Variants in ZFHX3 observed in about 807,000 individuals in gnomAD.
ZFHX3 encodes the protein zinc finger homeobox 3, also known as zinc finger homeobox protein 3.
In ZFHX3, 42 loss-of-function variants were observed where a neutral mutation model predicts 279.1. That is an observed-to-expected ratio of 0.15 (90% CI 0.12 to 0.19). ZFHX3 has a LOEUF of 0.19. Among genes scored for constraint, ZFHX3 ranks in the 10% least tolerant of loss-of-function variants. The pLI, the probability that ZFHX3 is intolerant of heterozygous loss-of-function variation, is 1.00. For missense variants in ZFHX3, 4,981 were observed against 4,754.0 expected (o/e 1.05, Z -1.40); for synonymous variants, 2,293 against 1,957.8 (o/e 1.17, Z -4.52).
intron 3 of ZFHX3, among the ~76,000 whole-genome samples, chr16:73,376,898 T>G (rs1277725367): frequency 6.6e-6 from 1 of 152,154 alleles, no homozygotes; most frequent in Non-Finnish European, 1.5e-5. Context: ...ACCTTCTAAT[T>G]ATTGCCCTTT....
intron 3 of ZFHX3, among the ~76,000 whole-genome samples, chr16:73,442,401 C>T (rs767611342): frequency 1.2e-4 from 18 of 151,802 alleles, no homozygotes; most frequent in Non-Finnish European, 1.3e-4. Context: ...CTCTACTGCC[C>T]AGGCTGGAGT....
intron 3 of ZFHX3, among the ~76,000 whole-genome samples, chr16:73,396,786 T>A (rs991428972): frequency 6.6e-6 from 1 of 152,156 alleles, no homozygotes; most frequent in African/African-American, 2.4e-5. Flanking sequence ...CAATTAAAGA[T>A]GAGAGTTGGG....
At chr16:72,929,105 G>C (rs889547836) in intron 3 of ZFHX3, among the ~76,000 whole-genome samples, 9 of 152,014 alleles carry the variant, frequency 5.9e-5, no homozygotes, top group Admixed American at 2.0e-4. Flanking sequence ...GGGTGTGGTG[G>C]CACACACCTG....
intron 8 of ZFHX3, among the ~76,000 whole-genome samples, chr16:73,083,090 C>G (rs1341849776): frequency 6.6e-6 from 1 of 151,504 alleles, no homozygotes; most frequent in African/African-American, 2.4e-5. Context: ...GTAATCCCAG[C>G]TACTTGGGAG....
At chr16:73,467,437 A>G (rs1229051594) in intron 2 of ZFHX3, among the ~76,000 whole-genome samples, 2 of 152,212 alleles carry the variant, frequency 1.3e-5, no homozygotes, top group Non-Finnish European at 2.9e-5. Context: ...TTGAACAGAA[A>G]CAAAGAAGAA....
At chr16:73,679,596 T>C (rs1221270220) in intron 2 of ZFHX3, 1 of 152,176 alleles carries the variant, frequency 6.6e-6, no homozygotes, top group African/African-American at 2.4e-5. Context: ...ATTTGCCATA[T>C]CGTCTTCTAC....
chr16:72,813,910 G>A (rs1369306813), intron 5 of ZFHX3, among the ~76,000 whole-genome samples: 3 of 152,140 alleles, frequency 2.0e-5, no homozygotes, highest in Non-Finnish European at 2.9e-5. Flanking sequence ...GTGATGGGCC[G>A]CTCCTGAACA....
intron 6 of ZFHX3, among the ~76,000 whole-genome samples, chr16:73,137,816 C>A (rs184864398): frequency 3.3e-5 from 5 of 151,824 alleles, no homozygotes; most frequent in African/African-American, 9.7e-5. Context: ...CAAACAGCAG[C>A]TTTGTTATAA....
chr16:73,559,362 A>G (rs541696548), intron 2 of ZFHX3, among the ~76,000 whole-genome samples: 43 of 152,140 alleles, frequency 2.8e-4, no homozygotes, highest in African/African-American at 9.2e-4. Context: ...AGCAATTTCC[A>G]AGTACAAGTC....
intron 4 of ZFHX3, among the ~76,000 whole-genome samples, chr16:72,878,762 C>T (rs550034998): frequency 2.0e-4 from 30 of 152,280 alleles, no homozygotes; most frequent in Non-Finnish European, 3.7e-4. Context: ...GAGCACAGCC[C>T]TGGGCCCTGG....
At chr16:73,867,271 T>A (rs139968673) in intron 1 of ZFHX3, among the ~76,000 whole-genome samples, 176 of 152,208 alleles carry the variant, frequency 1.2e-3, no homozygotes, top group Middle Eastern at 3.4e-3. Flanking sequence ...CACTTCGACA[T>A]TTTCATGAGC....
At chr16:73,865,363 G>A (rs935729711) in intron 1 of ZFHX3, among the ~76,000 whole-genome samples, 7 of 152,156 alleles carry the variant, frequency 4.6e-5, no homozygotes, top group African/African-American at 1.7e-4. Context: ...AGTAACATCA[G>A]AGAAACTGGA....
intron 2 of ZFHX3, among the ~76,000 whole-genome samples, chr16:73,621,368 T>G (rs1042506071): frequency 6.6e-6 from 1 of 152,164 alleles, no homozygotes; most frequent in Admixed American, 6.5e-5. Flanking sequence ...TCACCTTAAA[T>G]GAAAGTAGAA....
chr16:73,344,565 G>T lies in ZFHX3; in HGVS notation c.-1290-26229C>A, dbSNP rs145073687. ...GTTCAATTTTCTGATTTAGATAATT[G>T]TACTGTGATTAGGTAAAACAATGTT... On this transcript the variant is annotated intron_variant, in intron 3 of 17. Coordinates refer to the ZFHX3 transcript ENST00000641206. 2.0e-5 allele frequency among the ~76,000 whole-genome samples: 3 copies of T among 152,306 alleles called. No homozygotes were observed. The East Asian group carries it at 5.8e-4, about 29-fold the overall frequency.
chr16:73,112,020 T>G (rs763154715), intron 7 of ZFHX3, among the ~76,000 whole-genome samples: 8 of 152,002 alleles, frequency 5.3e-5, no homozygotes, highest in Non-Finnish European at 1.2e-4. Context: ...TTTGCAGTTG[T>G]AGAATCTTAC....
chr16:72,958,875 G>A lies in ZFHX3; in HGVS notation c.1271C>T (p.Ala424Val). Residue 424 changes from alanine to valine, a missense_variant, in exon 2 of 10, where the codon GCT becomes GTT. Ala to Val is a moderately conservative substitution (Grantham distance 64). Coordinates refer to ENST00000268489, the MANE Select transcript of ZFHX3 (RefSeq NM_006885.4). ...CTCTGAGGATTTGGTAGGACTGGAA[G>A]CCAGAGGCCCCAGGGGGACTGAGGT... ...PITSVPLGPLASSPTKSSEGK... is the reference protein window; with the variant it reads ...PITSVPLGPLVSSPTKSSEGK... 1 of 1,612,756 alleles carries A rather than the reference G, an allele frequency of 6.2e-7. No individual in the cohort carries two copies. The highest frequency in any genetic ancestry group is 8.5e-7 in the Non-Finnish European group (1 of 1,179,224).
chr16:73,159,871 T>C (rs1967185674), intron 5 of ZFHX3, among the ~76,000 whole-genome samples: 1 of 152,142 alleles, frequency 6.6e-6, no homozygotes, highest in African/African-American at 2.4e-5. Context: ...CAAGCGATTC[T>C]CCTGCCTCAG....
intron 5 of ZFHX3, among the ~76,000 whole-genome samples, chr16:73,177,155 AAACCAACCAACC>A (rs758449679): frequency 5.5e-5 from 8 of 145,168 alleles, no homozygotes; most frequent in Non-Finnish European, 1.0e-4. Flanking sequence ...CTCCGTCTCA[AAACCAACCAACC>A]AACCAGCCAA....
At chr16:73,296,114 A>C (rs1289600568) in intron 4 of ZFHX3, among the ~76,000 whole-genome samples, 2 of 151,692 alleles carry the variant, frequency 1.3e-5, no homozygotes, top group Non-Finnish European at 2.9e-5. Flanking sequence ...CTGTGTTTCA[A>C]ACCATCGTGT....
Sources: gnomAD v4.1 joint callset for allele counts (sites outside exome capture counted in the v4.1 genomes callset) on GRCh38, gnomAD v4.1.1 for gene constraint, MANE v1.5 for transcripts, NCBI Gene and HGNC (gene_info 2026-07-23, HGNC 2026-07-21) for gene names.